The following CD44 variants were observed in gnomAD, a reference collection of about 807,000 sequenced individuals.
CD44 encodes the protein CD44 molecule (IN blood group).
Under a neutral mutation model 88.8 loss-of-function variants are expected in CD44, and 49 were observed. The observed-to-expected ratio is 0.55, with a 90% CI of 0.44 to 0.70. CD44 has a LOEUF of 0.70. CD44 is among the 30% of genes least tolerant of loss of function. The pLI, the probability that CD44 is intolerant of heterozygous loss-of-function variation, is 0.00. For synonymous variants in CD44, 325 were observed against 312.3 expected, an observed-to-expected ratio of 1.04 and a Z score of -0.43; for missense variants, 883 against 913.8, an observed-to-expected ratio of 0.97 and a Z score of 0.43.
intron 12 of CD44, among the ~76,000 whole-genome samples, chr11:35,209,246 A>C (rs1324544292): frequency 6.6e-6 from 1 of 152,188 alleles, no homozygotes; most frequent in Non-Finnish European, 1.5e-5. Context: ...GAAACAGTCC[A>C]AGTGATTTTA....
intron 5 of CD44, 104 bp from the exon 6 acceptor site, chr11:35,196,642 A>G (rs975957206): frequency 8.1e-6 from 10 of 1,235,472 alleles, no homozygotes; most frequent in Non-Finnish European, 1.1e-5. Flanking sequence ...TATCAAATAT[A>G]GATGATTCTC....
In CD44 at chr11:35,204,427, C is replaced by A. The variant is rs114870358; in HGVS notation, c.1154-85C>A. ...TTCTACCTTCCCTCCCCATGTGTAT[C>A]TGCCCTTAAAGTAGAAAGATATGTT... On this transcript the variant is annotated intron_variant, in intron 9 of 17. Transcript: ENST00000428726. The A allele has an allele frequency of 1.8e-3, 2,396 of 1,343,030 alleles. 50 individuals carry two copies. The African/African-American group carries it at 0.031, about 17-fold the overall frequency. 83.2% of individuals were successfully genotyped at this position (1,343,030 alleles called of 1,614,324 possible).
At position 35,206,242 on chromosome 11, in the gene CD44, G is replaced by T. The variant is rs748506457; in HGVS notation, c.1413G>T (p.Met471Ile). ...GAGGTCATCAAGCAGGAAGAAGGAT[G>T]GGTAATAGCCTCTGAGATTTTTATA... Reference protein sequence around the residue: ...MGRGHQAGRRMDMDSSHSITL... With the variant: ...MGRGHQAGRRIDMDSSHSITL... Residue 471 changes from methionine to isoleucine, a missense_variant and splice_region_variant, in exon 11 of 18, where the codon ATG becomes ATT. Around this residue, in one of 2 missense-constraint regions of CD44, gnomAD observed 631 missense variants for 590.9 expected, o/e 1.07. Transcript: ENST00000428726. 6.2e-7 allele frequency: 1 copy of T among 1,605,988 alleles called. No homozygotes were observed. Among genetic ancestry groups the T allele is most frequent in the Admixed American group, 1.7e-5 (1 of 58,516 alleles).
intron 7 of CD44, 178 bp downstream of exon 7, chr11:35,198,424 G>T: frequency 1.9e-6 from 1 of 537,114 alleles, no homozygotes; most frequent in African/African-American, 1.9e-5. Context: ...TTTGAGAAGT[G>T]GGGAAAATAT....
At position 35,210,156 on chromosome 11, in the gene CD44, G is replaced by A. The variant is rs142874404; in HGVS notation, c.1606+102G>A. 670 of 620,080 alleles carry A rather than the reference G, an allele frequency of 1.1e-3. 5 individuals carry two copies. The highest frequency in any genetic ancestry group is 7.1e-3 in the South Asian group (309 of 43,474). The allele number at this position is 620,080 out of a possible 1,614,324, so 38.4% of individuals were successfully genotyped here. A position where few individuals can be genotyped will look rare whatever the true frequency, so the allele number is the denominator to read the frequency against. On this transcript the variant is annotated intron_variant, in intron 13 of 17. Coordinates refer to ENST00000428726, the MANE Select transcript of CD44 (RefSeq NM_000610.4). ...GGTGGAGGTGCATCCATTAGCTGCC[G>A]TTACACTGTTACTTTTAATCAAAAG...
At chr11:35,189,003 C>T (rs530451773) in intron 4 of CD44, among the ~76,000 whole-genome samples, 2 of 152,200 alleles carry the variant, frequency 1.3e-5, no homozygotes, top group African/African-American at 4.8e-5. Context: ...TTAGTCCCAT[C>T]AATGCAATAC....
intron 1 of CD44, among the ~76,000 whole-genome samples, chr11:35,161,315 A>G (rs181385064): frequency 4.0e-4 from 61 of 152,336 alleles, no homozygotes; most frequent in African/African-American, 1.4e-3. Context: ...CTTAAAGGTT[A>G]AGAAAACATA....
intron 1 of CD44, among the ~76,000 whole-genome samples, chr11:35,172,472 T>A (rs989083472): frequency 6.6e-6 from 1 of 152,192 alleles, no homozygotes; most frequent in African/African-American, 2.4e-5. Context: ...CTGGCCATTG[T>A]TTCTGCTGTT....
intron 12 of CD44, among the ~76,000 whole-genome samples, chr11:35,209,418 C>A (rs1948193573): frequency 6.6e-6 from 1 of 152,066 alleles, no homozygotes; most frequent in African/African-American, 2.4e-5. Flanking sequence ...ATTTAATGAC[C>A]TTTACAAGGT....
rs757827489 is a variant in CD44 at position 35,229,082 on chromosome 11, T to C, written c.2025-47T>C. ...TCAGTAAGGATGATGATCTGATGCC[T>C]GAGTCACTGCAATCTTTCTGATATG... On this transcript the variant is annotated intron_variant, in intron 17 of 17. Transcript: ENST00000428726. 4 of 1,455,562 alleles carry C rather than the reference T, an allele frequency of 2.7e-6. No homozygotes were observed. In the African/African-American group the frequency reaches 4.2e-5, roughly 15 times the overall value. 90.2% of individuals were successfully genotyped at this position (1,455,562 alleles called of 1,614,324 possible).
chr11:35,158,158 A>G (rs928173686), intron 1 of CD44, among the ~76,000 whole-genome samples: 1 of 152,244 alleles, frequency 6.6e-6, no homozygotes, highest in African/African-American at 2.4e-5. Flanking sequence ...GTAGCTTCCC[A>G]GAGCCCTGGG....
At chr11:35,147,603 C>A (rs118026646) in intron 1 of CD44, among the ~76,000 whole-genome samples, 3 of 148,586 alleles carry the variant, frequency 2.0e-5, no homozygotes, top group Non-Finnish European at 3.0e-5. Flanking sequence ...ATATTCCAGC[C>A]CCCTTCCCCC....
intron 5 of CD44, among the ~76,000 whole-genome samples, chr11:35,194,907 T>C (rs908734405): frequency 4.6e-4 from 70 of 152,348 alleles, no homozygotes; most frequent in African/African-American, 1.7e-3. Flanking sequence ...TGCCGGAAAG[T>C]GCAGGCTTCT....
chr11:35,208,599 A>C (rs1022090696), intron 12 of CD44, among the ~76,000 whole-genome samples: 1 of 152,152 alleles, frequency 6.6e-6, no homozygotes, highest in Admixed American at 6.5e-5. Flanking sequence ...GATTGCTTGC[A>C]TGGTTGTAAA....
At chr11:35,172,275 T>C (rs942964323) in intron 1 of CD44, among the ~76,000 whole-genome samples, 13 of 152,198 alleles carry the variant, frequency 8.5e-5, no homozygotes, top group African/African-American at 3.1e-4. Context: ...TCATCTCCTG[T>C]TATAATTCTC....
intron 1 of CD44, among the ~76,000 whole-genome samples, chr11:35,166,205 C>T (rs941884055): frequency 3.9e-5 from 6 of 152,158 alleles, no homozygotes; most frequent in South Asian, 2.1e-4. Context: ...AAACAAAGAT[C>T]GTGAGGCCAG....
At chr11:35,144,567 C>G (rs977138217) in intron 1 of CD44, among the ~76,000 whole-genome samples, 1 of 152,138 alleles carries the variant, frequency 6.6e-6, no homozygotes, top group East Asian at 1.9e-4. Context: ...GTGTACCCCC[C>G]ACAGCTGCCC....
intron 13 of CD44, 31 bp from the exon 14 acceptor site, chr11:35,211,215 C>A (rs185975773): frequency 6.5e-7 from 1 of 1,548,088 alleles, no homozygotes; most frequent in Non-Finnish European, 8.9e-7. Flanking sequence ...CTTACAAATA[C>A]GGGTTCATCA....
At chr11:35,162,785 C>A (rs1942789609) in intron 1 of CD44, among the ~76,000 whole-genome samples, 1 of 152,040 alleles carries the variant, frequency 6.6e-6, no homozygotes, top group Admixed American at 6.6e-5. Context: ...TTGTGTAACT[C>A]CCCAAAACAT....
Sources: allele counts gnomAD v4.1 joint callset (sites outside exome capture counted in the v4.1 genomes callset), GRCh38; gene constraint gnomAD v4.1.1; regional missense constraint gnomAD v4.1.1; transcripts MANE v1.5; gene names NCBI Gene and HGNC (gene_info 2026-07-23, HGNC 2026-07-21).